The following PIK3C2G variants were observed in gnomAD, a reference collection of about 807,000 sequenced individuals.
PIK3C2G encodes the protein phosphatidylinositol-4-phosphate 3-kinase catalytic subunit type 2 gamma.
Under a neutral mutation model 181.1 loss-of-function variants are expected in PIK3C2G, and 168 were observed. That is an observed-to-expected ratio of 0.93 (90% CI 0.82 to 1.05). The LOEUF is 1.05. Ranked by LOEUF, PIK3C2G falls within the 50% of genes least tolerant of loss-of-function variation. The pLI, the probability that PIK3C2G is intolerant of heterozygous loss-of-function variation, is 0.00. For missense variants in PIK3C2G, 1,869 were observed against 1,732.8 expected, an observed-to-expected ratio of 1.08 and a Z score of -1.40; for synonymous variants, 573 against 592.2, an observed-to-expected ratio of 0.97 and a Z score of 0.47.
intron 24 of PIK3C2G, among the ~76,000 whole-genome samples, chr12:18,526,616 C>T (rs898990707): frequency 6.6e-6 from 1 of 151,854 alleles, no homozygotes; most frequent in African/African-American, 2.4e-5. Flanking sequence ...GGAAATTTAC[C>T]AAGGGTTTTT....
At chr12:18,630,246 G>T (rs11833621) in intron 31 of PIK3C2G, among the ~76,000 whole-genome samples, 1 of 151,966 alleles carries the variant, frequency 6.6e-6, no homozygotes, top group Non-Finnish European at 1.5e-5. Flanking sequence ...TAATAAATTA[G>T]CCAGACATAG....
chr12:18,347,828 A>G (rs1053062601), intron 11 of PIK3C2G, among the ~76,000 whole-genome samples: 1 of 150,190 alleles, frequency 6.7e-6, no homozygotes, highest in African/African-American at 2.4e-5. Flanking sequence ...AAAAAAAAAG[A>G]AAAAAAAAAT....
chr12:18,312,070 T>G (rs1369448886), intron 5 of PIK3C2G, among the ~76,000 whole-genome samples: 1 of 152,180 alleles, frequency 6.6e-6, no homozygotes, highest in Admixed American at 6.5e-5. Flanking sequence ...CTAGCCATGC[T>G]GGCAGCTGTT....
At chr12:18,399,917 T>C (rs1944149796) in intron 16 of PIK3C2G, 70 bp downstream of exon 16, 1 of 867,598 alleles carries the variant, frequency 1.2e-6, no homozygotes. Flanking sequence ...TATAGAACCA[T>C]ATAATTAATT....
chr12:18,292,479 T>C (rs1949756703), intron 4 of PIK3C2G, among the ~76,000 whole-genome samples: 1 of 151,754 alleles, frequency 6.6e-6, no homozygotes. Context: ...GTTCACTATC[T>C]CTATGGGATC....
At position 18,466,796 on chromosome 12, in the gene PIK3C2G, G is replaced by A. The variant is rs79496961; in HGVS notation, c.2505-21653G>A. Reference sequence around the variant, plus strand: ...AAAGTCCTCTTAAGATGACTCTAAGGTCAGATAATCACCATTACCCTTCTC... The same window carrying A: ...AAAGTCCTCTTAAGATGACTCTAAGATCAGATAATCACCATTACCCTTCTC... On this transcript the variant is annotated intron_variant, in intron 18 of 32. Coordinates refer to ENST00000538779, the MANE Select transcript of PIK3C2G (RefSeq NM_001288772.2). 8.2e-3 allele frequency among the ~76,000 whole-genome samples: 1,252 copies of A among 152,010 alleles called. 7 individuals are homozygous for A. Among genetic ancestry groups the A allele is most frequent in the Non-Finnish European group, 0.013 (878 of 67,870 alleles).
intron 11 of PIK3C2G, among the ~76,000 whole-genome samples, chr12:18,359,634 C>T (rs1010198737): frequency 2.0e-5 from 3 of 152,048 alleles, no homozygotes; most frequent in Admixed American, 6.6e-5. Context: ...GGTGTTCTGA[C>T]GTTGGGTACA....
intron 24 of PIK3C2G, among the ~76,000 whole-genome samples, chr12:18,514,806 C>T (rs879355639): frequency 4.0e-5 from 6 of 151,858 alleles, no homozygotes; most frequent in African/African-American, 7.2e-5. Context: ...AAGTGGGCAT[C>T]CTTGTCTTCT....
At chr12:18,702,480 G>A in the PIK3C2G span, among the ~76,000 whole-genome samples, 4 of 152,040 alleles carry the variant, frequency 2.6e-5, no homozygotes, top group African/African-American at 9.7e-5. Flanking sequence ...GCTGAAATCT[G>A]GGTTATAAAG....
Position 18,648,086 on chromosome 12 carries a change from G to A in PIK3C2G, c.*58G>A, listed in dbSNP as rs934845631. 12 of 1,070,980 alleles carry A rather than the reference G, an allele frequency of 1.1e-5. No homozygotes were observed. In the Admixed American group the frequency reaches 2.4e-4, roughly 21 times the overall value. The allele number at this position is 1,070,980 out of a possible 1,614,324, so 66.3% of individuals were successfully genotyped here. A position where few individuals can be genotyped will look rare whatever the true frequency, so the allele number is the denominator to read the frequency against. On this transcript the variant is annotated 3_prime_UTR_variant, in exon 33 of 33. Coordinates refer to ENST00000538779, the MANE Select transcript of PIK3C2G (RefSeq NM_001288772.2). ...CTACTTGTATTTTTTTCACTTCTGG[G>A]CCTCTGAATCACATAAGTAAGGCAT...
chr12:18,501,980 G>C (rs910932836), intron 22 of PIK3C2G, among the ~76,000 whole-genome samples: 1 of 152,072 alleles, frequency 6.6e-6, no homozygotes, highest in African/African-American at 2.4e-5. Context: ...AAAATGAGGA[G>C]GGAAATTTTC....
chr12:18,615,457 A>AT (rs1254604841), intron 31 of PIK3C2G, among the ~76,000 whole-genome samples: 3 of 148,046 alleles, frequency 2.0e-5, no homozygotes, highest in Admixed American at 6.8e-5. Context: ...TATATATATC[A>AT]TTTTTTTTCA....
chr12:18,374,391 C>CA (rs576737533), intron 13 of PIK3C2G, among the ~76,000 whole-genome samples: 3 of 150,638 alleles, frequency 2.0e-5, no homozygotes, highest in African/African-American at 2.4e-5. Context: ...AAATCATAAC[C>CA]AAAAAAAAAC....
chr12:18,508,497 A>G (rs549378447), intron 24 of PIK3C2G, among the ~76,000 whole-genome samples: 1 of 152,280 alleles, frequency 6.6e-6, no homozygotes, highest in South Asian at 2.1e-4. Context: ...TATAGGTCCT[A>G]TAAGTAGGAC....
At chr12:18,516,158 C>T (rs960879464) in intron 24 of PIK3C2G, among the ~76,000 whole-genome samples, 3 of 151,748 alleles carry the variant, frequency 2.0e-5, no homozygotes, top group Non-Finnish European at 4.4e-5. Flanking sequence ...AAGACAGATC[C>T]GGTGTAAATG....
intron 20 of PIK3C2G, among the ~76,000 whole-genome samples, chr12:18,491,919 A>C (rs1940608116): frequency 6.6e-6 from 1 of 152,200 alleles, no homozygotes; most frequent in South Asian, 2.1e-4. Flanking sequence ...TATTTAGACT[A>C]TGTGCATAAC....
chr12:18,684,081 A>G, the PIK3C2G span: 3 of 1,595,186 alleles, frequency 1.9e-6, no homozygotes, highest in African/African-American at 4.0e-5. Context: ...TGATATACAC[A>G]AGTTATATTT....
intron 6 of PIK3C2G, among the ~76,000 whole-genome samples, chr12:18,317,089 C>T (rs1006348692): frequency 6.7e-6 from 1 of 149,264 alleles, no homozygotes; most frequent in Non-Finnish European, 1.5e-5. Context: ...TCTTGGCTCA[C>T]TGCAACCTCC....
At chr12:18,404,442 C>T (rs1398814035) in intron 16 of PIK3C2G, among the ~76,000 whole-genome samples, 3 of 152,076 alleles carry the variant, frequency 2.0e-5, no homozygotes, top group African/African-American at 7.2e-5. Context: ...TAGAGGTTAC[C>T]AGGCAATGTG....
Sources: allele counts gnomAD v4.1 joint callset (sites outside exome capture counted in the v4.1 genomes callset), GRCh38; gene constraint gnomAD v4.1.1; transcripts MANE v1.5; gene names NCBI Gene and HGNC (gene_info 2026-07-23, HGNC 2026-07-21).